The following MAML3 variants were observed in gnomAD, a reference collection of about 807,000 sequenced individuals.
MAML3 encodes mastermind-like protein 3.
In MAML3, 27 loss-of-function variants were observed where a neutral mutation model predicts 101.9. That is an observed-to-expected ratio of 0.27 (90% CI 0.20 to 0.37). The LOEUF (loss-of-function observed/expected upper bound fraction) is 0.37. Among genes scored for constraint, MAML3 ranks in the 10% least tolerant of loss-of-function variants. MAML3 has a pLI of 1.00. For synonymous variants in MAML3, 501 were observed against 555.9 expected, an observed-to-expected ratio of 0.90 and a Z score of 1.39; for missense variants, 1,316 against 1,444.9, an observed-to-expected ratio of 0.91 and a Z score of 1.45.
At chr4:140,024,599 C>T (rs1726789938) in intron 1 of MAML3, among the ~76,000 whole-genome samples, 1 of 152,178 alleles carries the variant, frequency 6.6e-6, no homozygotes, top group African/African-American at 2.4e-5. Context: ...AGTCTTTGCT[C>T]TTAATCACTC....
intron 2 of MAML3, among the ~76,000 whole-genome samples, chr4:139,734,110 C>A (rs1205084439): frequency 2.0e-5 from 3 of 152,198 alleles, no homozygotes; most frequent in African/African-American, 4.8e-5. Flanking sequence ...GAGGTGTATT[C>A]CAAAGTGTGA....
At chr4:140,015,435 C>T (rs985291521) in intron 1 of MAML3, among the ~76,000 whole-genome samples, 1 of 152,132 alleles carries the variant, frequency 6.6e-6, no homozygotes, top group African/African-American at 2.4e-5. Context: ...AATATTCGAA[C>T]TTCTTTACTC....
chr4:139,801,564 A>G (rs1378559292), intron 2 of MAML3, among the ~76,000 whole-genome samples: 4 of 152,170 alleles, frequency 2.6e-5, no homozygotes, highest in African/African-American at 9.7e-5. Flanking sequence ...GAAGATGGCA[A>G]AACTGAGAAA....
chr4:139,931,032 G>A (rs1413197949), intron 1 of MAML3, among the ~76,000 whole-genome samples: 1 of 152,146 alleles, frequency 6.6e-6, no homozygotes, highest in African/African-American at 2.4e-5. Flanking sequence ...TGCAGAGTCT[G>A]TGTTTTCTTC....
At chr4:139,842,184 A>G (rs1053063473) in intron 2 of MAML3, among the ~76,000 whole-genome samples, 3 of 152,238 alleles carry the variant, frequency 2.0e-5, no homozygotes, top group East Asian at 1.9e-4. Flanking sequence ...GTACAGATCA[A>G]CCTGGGCACT....
At chr4:139,789,150 T>A (rs1254255162) in intron 2 of MAML3, among the ~76,000 whole-genome samples, 1 of 152,186 alleles carries the variant, frequency 6.6e-6, no homozygotes, top group Non-Finnish European at 1.5e-5. Flanking sequence ...ACCTATCACA[T>A]GAAAGGCAGT....
intron 1 of MAML3, among the ~76,000 whole-genome samples, chr4:139,998,269 T>G (rs934339244): frequency 1.3e-5 from 2 of 152,208 alleles, no homozygotes; most frequent in Non-Finnish European, 2.9e-5. Flanking sequence ...TCTTGTTGAA[T>G]ATGCTGTTGG....
At chr4:139,912,559 A>C (rs1195596523) in intron 1 of MAML3, among the ~76,000 whole-genome samples, 1 of 152,252 alleles carries the variant, frequency 6.6e-6, no homozygotes, top group East Asian at 1.9e-4. Context: ...TCATTTGGAA[A>C]TAGGATCTTT....
chr4:139,923,217 G>A (rs926320302), intron 1 of MAML3, among the ~76,000 whole-genome samples: 11 of 152,012 alleles, frequency 7.2e-5, no homozygotes, highest in East Asian at 5.8e-4. Flanking sequence ...CCCACACCCC[G>A]GGATCCAGAC....
chr4:139,894,679 G>A (rs1265903483), intron 1 of MAML3, among the ~76,000 whole-genome samples: 1 of 151,450 alleles, frequency 6.6e-6, no homozygotes, highest in Admixed American at 6.6e-5. Context: ...AGAGACCCTC[G>A]AACTGCTGAA....
chr4:140,148,160 A>T (rs1178863649), intron 1 of MAML3, among the ~76,000 whole-genome samples: 1 of 152,214 alleles, frequency 6.6e-6, no homozygotes, highest in East Asian at 1.9e-4. Context: ...CAGAAATCCT[A>T]AAAAAGATTC....
At chr4:139,809,865 TACACACACAC>T (rs71584333) in intron 2 of MAML3, among the ~76,000 whole-genome samples, 3 of 142,948 alleles carry the variant, frequency 2.1e-5, no homozygotes, top group Non-Finnish European at 3.1e-5. Flanking sequence ...TACCTGCACG[TACACACACAC>T]ACACACACAC....
intron 1 of MAML3, among the ~76,000 whole-genome samples, chr4:140,121,788 A>G (rs1187241424): frequency 6.6e-6 from 1 of 152,238 alleles, no homozygotes; most frequent in Non-Finnish European, 1.5e-5. Context: ...TCAATAGTGC[A>G]TGATATGGTT....
At chr4:139,768,041 T>C (rs1029357759) in intron 2 of MAML3, among the ~76,000 whole-genome samples, 2 of 152,272 alleles carry the variant, frequency 1.3e-5, no homozygotes, top group Non-Finnish European at 2.9e-5. Flanking sequence ...AATATCTTTG[T>C]TGGCCACTCA....
intron 1 of MAML3, among the ~76,000 whole-genome samples, chr4:140,002,752 T>C (rs1436044241): frequency 1.3e-5 from 2 of 152,104 alleles, no homozygotes; most frequent in African/African-American, 2.4e-5. Flanking sequence ...ACCAAAACAA[T>C]ATAGTGGCAA....
chr4:139,802,446 C>A (rs1470138969), intron 2 of MAML3, among the ~76,000 whole-genome samples: 1 of 152,200 alleles, frequency 6.6e-6, no homozygotes, highest in African/African-American at 2.4e-5. Context: ...GCCCGACTTC[C>A]TCTCATCACC....
In MAML3 at chr4:140,111,762, A is replaced by G. The variant is rs1464092442; in HGVS notation, c.468+41098T>C. Among the ~76,000 whole-genome samples the G allele has an allele frequency of 2.6e-5, 4 of 152,328 alleles. No homozygotes were observed. In the East Asian group the frequency reaches 7.7e-4, roughly 29 times the overall value. On this transcript the variant is annotated intron_variant, in intron 1 of 4. Transcript: ENST00000509479. ...CATTTAAAAGGAATATTTCTCCTAT[A>G]CCACCTCAAAGAGCAAACTTTGTAA...
In MAML3 at chr4:139,725,707, C is replaced by T. The variant is rs776548737; in HGVS notation, c.2416+44G>A. On this transcript the variant is annotated intron_variant, in intron 4 of 4. Coordinates refer to ENST00000509479, the MANE Select transcript of MAML3 (RefSeq NM_018717.5). ...TCTGGCTACACATTCACTTACGCTTCACCACTGGAAGGTATAAAATGAGAG... is the reference window on the plus strand; with the variant it reads ...TCTGGCTACACATTCACTTACGCTTTACCACTGGAAGGTATAAAATGAGAG... The T allele has an allele frequency of 3.8e-6, 6 of 1,576,802 alleles. No individual in the cohort carries two copies. The South Asian group carries it at 4.4e-5, about 12-fold the overall frequency.
intron 1 of MAML3, among the ~76,000 whole-genome samples, chr4:140,093,377 G>C (rs1396959814): frequency 1.3e-5 from 2 of 150,944 alleles, no homozygotes; most frequent in Non-Finnish European, 2.9e-5. Flanking sequence ...TGGTTGCTCA[G>C]TGGATCCTAA....
Sources: gnomAD v4.1 joint callset for allele counts (sites outside exome capture counted in the v4.1 genomes callset) on GRCh38, gnomAD v4.1.1 for gene constraint, MANE v1.5 for transcripts, NCBI Gene and HGNC (gene_info 2026-07-23, HGNC 2026-07-21) for gene names.